Variants in MTREX observed in about 807,000 individuals in gnomAD.
MTREX encodes Mtr4 exosome RNA helicase, also known as exosome RNA helicase MTR4.
MTREX carries 76 observed loss-of-function variants against 135.4 expected under a neutral mutation model. That is an observed-to-expected ratio of 0.56 (90% CI 0.47 to 0.68). MTREX has a LOEUF of 0.68. Ranked by LOEUF, MTREX falls within the 30% of genes least tolerant of loss-of-function variation. The pLI is 0.00. For synonymous variants in MTREX, 404 were observed against 401.6 expected, an observed-to-expected ratio of 1.01 and a Z score of -0.07; for missense variants, 920 against 1,262.1, an observed-to-expected ratio of 0.73 and a Z score of 4.11.
chr5:55,379,226 T>C (rs771404947), intron 18 of MTREX, 31 bp downstream of exon 18: 1 of 1,273,548 alleles, frequency 7.9e-7, no homozygotes, highest in South Asian at 1.2e-5. Context: ...TAGAATTGTA[T>C]ATCAATTTTT....
At chr5:55,358,491 A>G in intron 14 of MTREX, 82 bp from the exon 15 acceptor site, 4 of 1,217,696 alleles carry the variant, frequency 3.3e-6, no homozygotes, top group Non-Finnish European at 4.5e-6. Context: ...CTTGTTATAA[A>G]TTTTATAAAA....
rs1206609714 is a variant in MTREX at position 55,402,848 on chromosome 5, A to ATG, written c.2481+2429_2481+2430dup. On this transcript the variant is annotated intron_variant, in intron 21 of 26. Transcript: ENST00000230640. ...TGTGTGTGTGTGTGTGTGTATGTGT[A>ATG]TGTATGTGTGTGTGTGTGTGTGTGT... 5.6e-3 allele frequency among the ~76,000 whole-genome samples: 251 copies of ATG among 44,944 alleles called. 1 individual carries two copies. The highest frequency in any genetic ancestry group is 0.016 in the African/African-American group (225 of 14,148). 29.5% of individuals were successfully genotyped at this position (44,944 alleles called of 152,430 possible). A position where few individuals can be genotyped will look rare whatever the true frequency, so the allele number is the denominator to read the frequency against.
intron 18 of MTREX, among the ~76,000 whole-genome samples, chr5:55,384,736 A>G (rs1304097876): frequency 6.6e-6 from 1 of 152,006 alleles, no homozygotes; most frequent in Non-Finnish European, 1.5e-5. Context: ...TACCCCCTAT[A>G]GTATGTAGCC....
rs535842478 is a variant in MTREX at position 55,379,584 on chromosome 5, ACACACAC to A, written c.2052+390_2052+396del. Among the ~76,000 whole-genome samples, 609 of 114,182 alleles carry A rather than the reference ACACACAC, an allele frequency of 5.3e-3. 4 individuals are homozygous for A. The highest frequency in any genetic ancestry group is 0.023 in the African/African-American group (581 of 25,168). The allele number at this position is 114,182 out of a possible 152,430, so 74.9% of individuals were successfully genotyped here. ...CCCCAAATCTCCCTGACACACACAC[ACACACAC>A]ACACACACACACACACACACTCAGA... On this transcript the variant is annotated intron_variant, in intron 18 of 26. Transcript: ENST00000230640.
intron 5 of MTREX, among the ~76,000 whole-genome samples, chr5:55,334,175 G>A (rs1749518060): frequency 2.0e-5 from 3 of 152,052 alleles, no homozygotes; most frequent in Admixed American, 6.6e-5. Context: ...GTGAGAGGAG[G>A]GGAGTAAAGA....
intron 1 of MTREX, among the ~76,000 whole-genome samples, chr5:55,320,846 C>G (rs975717466): frequency 6.6e-6 from 1 of 152,060 alleles, no homozygotes; most frequent in South Asian, 2.1e-4. Flanking sequence ...CACAATTTTC[C>G]GAAAAGTCTA....
At chr5:55,424,116 ATTTTTTTTATTTTTAT>A (rs1235036103) in intron 26 of MTREX, 2 of 151,744 alleles carry the variant, frequency 1.3e-5, no homozygotes, top group African/African-American at 2.4e-5. Flanking sequence ...CTTCCCTATA[ATTTTTTTTATTTTTAT>A]TTTTATTTAT....
chr5:55,397,766 CT>C (rs1720800569), intron 20 of MTREX, among the ~76,000 whole-genome samples: 2 of 152,210 alleles, frequency 1.3e-5, no homozygotes, highest in African/African-American at 4.8e-5. Flanking sequence ...GAAAACCATT[CT>C]GCTTTATTCA....
intron 2 of MTREX, 64 bp from the exon 3 acceptor site, chr5:55,324,068 G>C: frequency 8.6e-7 from 1 of 1,161,140 alleles, no homozygotes; most frequent in South Asian, 1.3e-5. Flanking sequence ...TGCAATGTGA[G>C]GCTTATTATC....
At chr5:55,392,656 C>A (rs1377064605) in intron 19 of MTREX, among the ~76,000 whole-genome samples, 1 of 152,070 alleles carries the variant, frequency 6.6e-6, no homozygotes, top group East Asian at 1.9e-4. Context: ...TTAGCCGCTT[C>A]CTGGATGTAC....
intron 15 of MTREX, among the ~76,000 whole-genome samples, chr5:55,358,922 T>A (rs551747668): frequency 1.3e-5 from 2 of 152,282 alleles, no homozygotes; most frequent in Non-Finnish European, 1.5e-5. Flanking sequence ...GGATAGGGTG[T>A]GAAGATCTCC....
chr5:55,401,643 G>A (rs760570337), intron 21 of MTREX, among the ~76,000 whole-genome samples: 15 of 152,036 alleles, frequency 9.9e-5, no homozygotes, highest in Non-Finnish European at 4.4e-5. Flanking sequence ...CTACATCTTC[G>A]CCAGCATGTG....
At chr5:55,313,212 G>T (rs1749143719) in intron 1 of MTREX, among the ~76,000 whole-genome samples, 1 of 151,466 alleles carries the variant, frequency 6.6e-6, no homozygotes, top group Non-Finnish European at 1.5e-5. Context: ...TGAGGCAGGT[G>T]GATTGCCTGA....
intron 14 of MTREX, among the ~76,000 whole-genome samples, chr5:55,354,517 T>G (rs910066845): frequency 6.6e-6 from 1 of 152,244 alleles, no homozygotes; most frequent in Non-Finnish European, 1.5e-5. Context: ...ATCAAAATGC[T>G]GAAAAGTACC....
At chr5:55,368,389 G>T (rs1038444941) in intron 16 of MTREX, among the ~76,000 whole-genome samples, 2 of 152,140 alleles carry the variant, frequency 1.3e-5, no homozygotes. Flanking sequence ...AGCAGAGGTT[G>T]CAGTGAGCCG....
chr5:55,391,176 C>T (rs1022429585), intron 19 of MTREX, among the ~76,000 whole-genome samples: 2 of 152,132 alleles, frequency 1.3e-5, no homozygotes, highest in Non-Finnish European at 2.9e-5. Flanking sequence ...TATAGTGGCT[C>T]ATGCTTATAA....
At chr5:55,328,944 T>C (rs1203871456) in intron 5 of MTREX, 133 bp downstream of exon 5, 1 of 538,402 alleles carries the variant, frequency 1.9e-6, no homozygotes, top group African/African-American at 1.9e-5. Context: ...TCATGTCTTA[T>C]TGAACCTCTA....
At chr5:55,389,045 C>T (rs1470004005) in intron 19 of MTREX, among the ~76,000 whole-genome samples, 7 of 152,060 alleles carry the variant, frequency 4.6e-5, no homozygotes, top group South Asian at 4.1e-4. Context: ...TTTTAAATGA[C>T]GATTTAAATG....
chr5:55,345,729 C>G (rs967615263), intron 10 of MTREX, among the ~76,000 whole-genome samples: 16 of 125,432 alleles, frequency 1.3e-4, no homozygotes, highest in Non-Finnish European at 2.3e-4. Flanking sequence ...TACACTGGTG[C>G]TGTCTTGGCT....
Sources: gnomAD v4.1 joint callset for allele counts (sites outside exome capture counted in the v4.1 genomes callset) on GRCh38, gnomAD v4.1.1 for gene constraint, MANE v1.5 for transcripts, NCBI Gene and HGNC (gene_info 2026-07-23, HGNC 2026-07-21) for gene names.